Variants in TFG observed in about 807,000 individuals in gnomAD.
TFG encodes protein TFG.
A neutral mutation model predicts 51.4 loss-of-function variants in TFG; 22 were observed. The observed-to-expected ratio is 0.43, with a 90% CI of 0.31 to 0.61. The LOEUF is 0.61. Ranked by LOEUF, TFG falls within the 20% of genes least tolerant of loss-of-function variation. The pLI is 0.12. For missense variants in TFG, 419 were observed against 487.7 expected (o/e 0.86, Z 1.33); for synonymous variants, 187 against 165.6 (o/e 1.13, Z -0.99).
intron 5 of TFG, among the ~76,000 whole-genome samples, chr3:100,734,545 C>A (rs1018885199): frequency 6.6e-6 from 1 of 152,164 alleles, no homozygotes; most frequent in Non-Finnish European, 1.5e-5. Context: ...CTTATCCATT[C>A]TAATTTTATT....
intron 4 of TFG, among the ~76,000 whole-genome samples, 184 bp downstream of exon 4, chr3:100,729,042 G>A (rs1419147472): frequency 6.6e-6 from 1 of 152,136 alleles, no homozygotes; most frequent in Admixed American, 6.5e-5. Flanking sequence ...TTACTAGGAG[G>A]TTTCATTATA....
In TFG at chr3:100,728,571, T is replaced by A. The variant is rs181800796; in HGVS notation, c.269-141T>A. The stretch of plus-strand genomic sequence containing the variant: ...ATTAGCCATAGAGAATTCTTTTTTT[T>A]TAAAAAAAAAGTTACTCCATTACAT... On this transcript the variant is annotated intron_variant, in intron 3 of 7. Transcript: ENST00000240851. The A allele has an allele frequency of 8.9e-3, 5,611 of 628,780 alleles. 43 individuals carry two copies. The highest frequency in any genetic ancestry group is 0.028 in the African/African-American group (1,443 of 51,730). 39.0% of individuals were successfully genotyped at this position (628,780 alleles called of 1,614,324 possible).
chr3:100,729,288 A>G (rs2095084744), intron 4 of TFG, among the ~76,000 whole-genome samples: 1 of 152,222 alleles, frequency 6.6e-6, no homozygotes, highest in African/African-American at 2.4e-5. Flanking sequence ...AGTATTTTCA[A>G]CTAAAAATCA....
intron 3 of TFG, among the ~76,000 whole-genome samples, chr3:100,721,281 A>G (rs2149068213): frequency 6.6e-6 from 1 of 152,186 alleles, no homozygotes; most frequent in South Asian, 2.1e-4. Flanking sequence ...CCAGGGAACA[A>G]AAAAGTAGAG....
At position 100,739,507 on chromosome 3, in the gene TFG, A is replaced by G. The variant is rs141424854; in HGVS notation, c.721+2791A>G. 3.4e-3 allele frequency among the ~76,000 whole-genome samples: 522 copies of G among 152,336 alleles called. 5 individuals carry two copies. The highest frequency in any genetic ancestry group is 5.0e-3 in the Non-Finnish European group (342 of 68,022). On this transcript the variant is annotated intron_variant, in intron 6 of 7. Coordinates refer to ENST00000240851, the MANE Select transcript of TFG (RefSeq NM_006070.6). ...ACTGGTAAGGAGAAGAACGCTAAAAATCATCAGAGATCGGGAGATATTGCT... is the reference window on the plus strand; with the variant it reads ...ACTGGTAAGGAGAAGAACGCTAAAAGTCATCAGAGATCGGGAGATATTGCT...
At chr3:100,723,848 G>A (rs1480638311) in intron 3 of TFG, among the ~76,000 whole-genome samples, 1 of 150,588 alleles carries the variant, frequency 6.6e-6, no homozygotes, top group Non-Finnish European at 1.5e-5. Context: ...TTTTTTTCGA[G>A]TACTCATAGT....
intron 7 of TFG, 107 bp from the exon 8 acceptor site, chr3:100,748,038 ATATT>A: frequency 5.2e-6 from 5 of 970,020 alleles, no homozygotes; most frequent in Non-Finnish European, 7.7e-6. Flanking sequence ...TGTTACATAC[ATATT>A]TATTAAATTT....
chr3:100,742,059 C>G (rs1042704550), intron 6 of TFG, among the ~76,000 whole-genome samples: 1 of 152,144 alleles, frequency 6.6e-6, no homozygotes, highest in Admixed American at 6.5e-5. Context: ...CTGCATTTTG[C>G]TCTCTTCATA....
In TFG at chr3:100,748,772, A is replaced by G. The variant is rs2095158935; in HGVS notation, c.*241A>G. On this transcript the variant is annotated 3_prime_UTR_variant, in exon 8 of 8. Transcript: ENST00000240851. Reference sequence around the variant, plus strand: ...AGTTACTTTGGAACACTACTCTTACATGTATAAAGTGATTGACTTGACTTT... The same window carrying G: ...AGTTACTTTGGAACACTACTCTTACGTGTATAAAGTGATTGACTTGACTTT... 4.6e-6 allele frequency: 2 copies of G among 431,650 alleles called. No individual in the cohort carries two copies. Among genetic ancestry groups the G allele is most frequent in the African/African-American group, 4.0e-5 (2 of 50,116 alleles). The allele number at this position is 431,650 out of a possible 1,614,324, so 26.7% of individuals were successfully genotyped here. A position where few individuals can be genotyped will look rare whatever the true frequency, so the allele number is the denominator to read the frequency against.
intron 7 of TFG, among the ~76,000 whole-genome samples, chr3:100,745,438 T>C (rs1297698617): frequency 1.3e-5 from 2 of 152,192 alleles, no homozygotes; most frequent in East Asian, 3.8e-4. Context: ...AAAAATAAAA[T>C]CGTATAAAAT....
At chr3:100,732,969 AG>A (rs2095096098) in intron 5 of TFG, among the ~76,000 whole-genome samples, 14 of 152,228 alleles carry the variant, frequency 9.2e-5, no homozygotes, top group Admixed American at 9.2e-4. Flanking sequence ...AGTAAAATTT[AG>A]AAAGTTTTTA....
chr3:100,725,060 C>T lies in TFG; in HGVS notation c.269-3652C>T, dbSNP rs144193250. The stretch of plus-strand genomic sequence containing the variant: ...CTGGGACTACAGGCACCTGCCACCA[C>T]GCCCGGCTAATTTGTTTTTGTATTT... On this transcript the variant is annotated intron_variant, in intron 3 of 7. Coordinates refer to ENST00000240851, the MANE Select transcript of TFG (RefSeq NM_006070.6). Among the ~76,000 whole-genome samples the T allele has an allele frequency of 6.0e-3, 914 of 152,264 alleles. 5 individuals are homozygous for T. The highest frequency in any genetic ancestry group is 9.7e-3 in the Admixed American group (148 of 15,296).
intron 4 of TFG, among the ~76,000 whole-genome samples, chr3:100,731,969 A>G (rs533229324): frequency 6.6e-6 from 1 of 152,308 alleles, no homozygotes; most frequent in South Asian, 2.1e-4. Context: ...AAATGTTTTT[A>G]ATGTGCTATT....
At position 100,728,922 on chromosome 3, in the gene TFG, ACT is replaced by A. The variant is rs1158889009; in HGVS notation, c.415+67_415+68del. 1.0e-5 allele frequency: 14 copies of A among 1,383,846 alleles called. No homozygotes were observed. The Admixed American group carries it at 1.8e-4, about 18-fold the overall frequency. The allele number at this position is 1,383,846 out of a possible 1,614,324, so 85.7% of individuals were successfully genotyped here. A position where few individuals can be genotyped will look rare whatever the true frequency, so the allele number is the denominator to read the frequency against. Reference sequence around the variant, plus strand: ...TACGTCTTTTTGGAGGTTTTAAAAAACTCTTTTTAAGTAGGAGAAGGATGGCA... The same window carrying A: ...TACGTCTTTTTGGAGGTTTTAAAAAACTTTTTAAGTAGGAGAAGGATGGCA... On this transcript the variant is annotated intron_variant, in intron 4 of 7. Transcript: ENST00000240851.
At chr3:100,745,317 T>C (rs1400050456) in intron 7 of TFG, among the ~76,000 whole-genome samples, 1 of 152,170 alleles carries the variant, frequency 6.6e-6, no homozygotes, top group Non-Finnish European at 1.5e-5. Flanking sequence ...TGTAGAAATA[T>C]GAACAGTTTA....
At chr3:100,718,311 T>C (rs114055260) in intron 2 of TFG, among the ~76,000 whole-genome samples, 1 of 152,314 alleles carries the variant, frequency 6.6e-6, no homozygotes, top group African/African-American at 2.4e-5. Flanking sequence ...AACTACTGTT[T>C]AGGGCAAAGG....
At chr3:100,715,373 T>G (rs1056122164) in intron 2 of TFG, among the ~76,000 whole-genome samples, 9 of 152,198 alleles carry the variant, frequency 5.9e-5, no homozygotes, top group African/African-American at 2.2e-4. Flanking sequence ...CCTGATGGTG[T>G]TGTATGTCAT....
rs770811877 is a variant in TFG at position 100,732,524 on chromosome 3, G to A, written c.432G>A (p.Arg144=). The A allele has an allele frequency of 8.1e-6, 13 of 1,609,296 alleles. No individual in the cohort carries two copies. The highest frequency in any genetic ancestry group is 1.0e-5 in the Non-Finnish European group (12 of 1,178,232). ...TTTTTACAGATACTGTGGATGGTAG[G>A]GAAGAAAAGTCTGCTTCTGATTCTT... ...NIPENDTVDG[R]EEKSASDSSG... The change falls in exon 5 of 8, where the codon AGG becomes AGA. Residue 144 remains arginine, a synonymous_variant. Transcript: ENST00000240851.
At chr3:100,744,647 C>G (rs1352153391) in intron 6 of TFG, 186 bp from the exon 7 acceptor site, 1 of 449,518 alleles carries the variant, frequency 2.2e-6, no homozygotes, top group Non-Finnish European at 4.1e-6. Context: ...TAATCCACAG[C>G]AGAGGAATCA....
Sources: gnomAD v4.1 joint callset for allele counts (sites outside exome capture counted in the v4.1 genomes callset) on GRCh38, gnomAD v4.1.1 for gene constraint, MANE v1.5 for transcripts, NCBI Gene and HGNC (gene_info 2026-07-23, HGNC 2026-07-21) for gene names.